Variants in NTRK2 observed in about 807,000 individuals in gnomAD.
NTRK2 encodes the protein neurotrophic receptor tyrosine kinase 2.
In NTRK2, 13 loss-of-function variants were observed where a neutral mutation model predicts 94.5. The ratio of observed to expected loss-of-function variants is 0.14; its 90% CI spans 0.09 to 0.22. The LOEUF (loss-of-function observed/expected upper bound fraction) is 0.22. Among genes scored for constraint, NTRK2 ranks in the 10% least tolerant of loss-of-function variants. The pLI is 1.00. For synonymous variants in NTRK2, 372 were observed against 407.4 expected, an observed-to-expected ratio of 0.91 and a Z score of 1.05; for missense variants, 639 against 1,071.2, an observed-to-expected ratio of 0.60 and a Z score of 5.63.
At chr9:84,975,605 G>A (rs989603125) in intron 17 of NTRK2, among the ~76,000 whole-genome samples, 21 of 152,126 alleles carry the variant, frequency 1.4e-4, no homozygotes, top group Non-Finnish European at 8.8e-5. Flanking sequence ...AGGATGTGAC[G>A]TTATTACCAG....
intron 14 of NTRK2, among the ~76,000 whole-genome samples, chr9:84,915,487 A>G (rs535040633): frequency 7.2e-5 from 11 of 152,250 alleles, no homozygotes; most frequent in African/African-American, 2.6e-4. Context: ...CTTTCTAGCC[A>G]CGTGTTCTCT....
At chr9:85,018,013 A>G (rs1302580733) in intron 17 of NTRK2, among the ~76,000 whole-genome samples, 1 of 152,122 alleles carries the variant, frequency 6.6e-6, no homozygotes, top group Non-Finnish European at 1.5e-5. Context: ...ATTTCATCTT[A>G]CCCATTTTTT....
chr9:85,006,665 C>T (rs1461096578), intron 17 of NTRK2, among the ~76,000 whole-genome samples: 1 of 150,058 alleles, frequency 6.7e-6, no homozygotes, highest in African/African-American at 2.5e-5. Context: ...CCAGCTCCCT[C>T]TCACACTGTC....
At chr9:84,812,483 T>C in intron 12 of NTRK2, 2 of 1,049,928 alleles carry the variant, frequency 1.9e-6, no homozygotes, top group Non-Finnish European at 2.3e-6. Flanking sequence ...ATTCCCATTT[T>C]CTTGTTCGCG....
At chr9:84,668,600 A>G (rs2058508100), upstream of NTRK2, 1 of 152,268 alleles carries the variant, frequency 6.6e-6, no homozygotes, top group Non-Finnish European at 1.5e-5. Context: ...CCATCATTTA[A>G]CTGCACCCGC....
rs189454846 is a variant in NTRK2 at position 84,905,647 on chromosome 9, C to T, written c.1634-28515C>T. Among the ~76,000 whole-genome samples the T allele has an allele frequency of 3.3e-5, 5 of 152,128 alleles. No individual in the cohort carries two copies. In the East Asian group the frequency reaches 9.7e-4, roughly 29 times the overall value. On this transcript the variant is annotated intron_variant, in intron 14 of 18. Transcript: ENST00000277120. ...TCTACTAGATTGCTATGTAAAAGTA[C>T]TTCTTAATTTGGATTACAATCAAAG... is the stretch of plus-strand genomic sequence containing the variant.
At chr9:84,942,392 T>C (rs1000738919) in intron 15 of NTRK2, among the ~76,000 whole-genome samples, 2 of 152,242 alleles carry the variant, frequency 1.3e-5, no homozygotes, top group Admixed American at 6.5e-5. Context: ...AGGCTTGTTC[T>C]AAATGCGTGG....
rs528161839 is a variant in NTRK2, at chr9:85,008,174, A to C, written c.2173-12032A>C. ...AACTGACAGCATCACTAGATTAAGGAGTGAACCAAACTGTATTAGTGCTGG... is the reference window on the plus strand; with the variant it reads ...AACTGACAGCATCACTAGATTAAGGCGTGAACCAAACTGTATTAGTGCTGG... On this transcript the variant is annotated intron_variant, in intron 17 of 18. Coordinates refer to ENST00000277120, the MANE Select transcript of NTRK2 (RefSeq NM_006180.6). 4.0e-5 allele frequency among the ~76,000 whole-genome samples: 6 copies of C among 151,840 alleles called. No individual in the cohort carries two copies. The South Asian group carries it at 1.3e-3, about 32-fold the overall frequency.
intron 14 of NTRK2, among the ~76,000 whole-genome samples, chr9:84,897,824 G>T (rs2076804521): frequency 6.6e-6 from 1 of 152,188 alleles, no homozygotes; most frequent in South Asian, 2.1e-4. Flanking sequence ...GCCACATGGG[G>T]TTCTGAAGAA....
chr9:84,828,881 C>T (rs1374153295), intron 12 of NTRK2, among the ~76,000 whole-genome samples: 1 of 152,002 alleles, frequency 6.6e-6, no homozygotes, highest in Non-Finnish European at 1.5e-5. Flanking sequence ...ATGCTACATG[C>T]CTTCTCTGAA....
intron 14 of NTRK2, among the ~76,000 whole-genome samples, chr9:84,881,184 A>G (rs2076243620): frequency 1.3e-5 from 2 of 152,214 alleles, no homozygotes; most frequent in South Asian, 4.1e-4. Context: ...GAATCTCGAA[A>G]TATTTGCCAG....
At chr9:84,927,160 C>A (rs2077849820) in intron 14 of NTRK2, among the ~76,000 whole-genome samples, 1 of 152,132 alleles carries the variant, frequency 6.6e-6, no homozygotes, top group Admixed American at 6.5e-5. Flanking sequence ...ATTGTGTTTT[C>A]TTTTTGGCTT....
In NTRK2 at chr9:84,702,059, AG is replaced by A. The variant is rs1588050332; in HGVS notation, c.213-97del. 1.3e-5 allele frequency: 13 copies of A among 1,010,482 alleles called. No homozygotes were observed. In the East Asian group the frequency reaches 3.1e-4, roughly 24 times the overall value. The allele number at this position is 1,010,482 out of a possible 1,614,324, so 62.6% of individuals were successfully genotyped here. On this transcript the variant is annotated intron_variant, in intron 2 of 18. Transcript: ENST00000277120. The stretch of plus-strand genomic sequence containing the variant: ...AATGGCAAGGCTCAGAGTGGTGTGG[AG>A]GGAGCACCTTGGACACCTGGGTGAG...
At chr9:84,812,091 C>T (rs1367984132) in intron 12 of NTRK2, 28 of 1,059,704 alleles carry the variant, frequency 2.6e-5, no homozygotes, top group Non-Finnish European at 3.2e-5. Context: ...ACAAATGCTG[C>T]AATTTAGCTT....
At chr9:84,946,994 C>T (rs1280448483) in intron 15 of NTRK2, among the ~76,000 whole-genome samples, 4 of 152,102 alleles carry the variant, frequency 2.6e-5, no homozygotes, top group African/African-American at 9.7e-5. Context: ...CTCGCTCTGT[C>T]GCTCAGGCTG....
intron 12 of NTRK2, among the ~76,000 whole-genome samples, chr9:84,827,449 G>A (rs2073259963): frequency 6.6e-6 from 1 of 152,186 alleles, no homozygotes; most frequent in African/African-American, 2.4e-5. Context: ...TGGGTGCCAC[G>A]TGGGAATCTA....
In NTRK2 at chr9:84,748,513, T is replaced by G. The variant is rs573417748; in HGVS notation, c.1296+3440T>G. On this transcript the variant is annotated intron_variant, in intron 11 of 18. Coordinates refer to ENST00000277120, the MANE Select transcript of NTRK2 (RefSeq NM_006180.6). ...GCTTGGATAAGTGAAGCATCTCTTCTAGCTGTCATGACTGGTAAAAGCAAG... is the reference window on the plus strand; with the variant it reads ...GCTTGGATAAGTGAAGCATCTCTTCGAGCTGTCATGACTGGTAAAAGCAAG... Among the ~76,000 whole-genome samples, 3 of 152,316 alleles carry G rather than the reference T, an allele frequency of 2.0e-5. No homozygotes were observed. The South Asian group carries it at 6.2e-4, about 32-fold the overall frequency.
At chr9:84,932,008 C>T (rs1361300391) in intron 14 of NTRK2, among the ~76,000 whole-genome samples, 1 of 152,070 alleles carries the variant, frequency 6.6e-6, no homozygotes, top group Admixed American at 6.6e-5. Context: ...ATAAAAAGAC[C>T]TTTTGATTTT....
intron 14 of NTRK2, among the ~76,000 whole-genome samples, chr9:84,896,249 G>C (rs1374532249): frequency 6.6e-6 from 1 of 152,196 alleles, no homozygotes; most frequent in Non-Finnish European, 1.5e-5. Flanking sequence ...AGTGATTTGT[G>C]ACATACGCCC....
Sources: allele counts gnomAD v4.1 joint callset (sites outside exome capture counted in the v4.1 genomes callset), GRCh38; gene constraint gnomAD v4.1.1; transcripts MANE v1.5; gene names NCBI Gene and HGNC (gene_info 2026-07-23, HGNC 2026-07-21).